Variants in ADGRL2 observed in about 807,000 individuals in gnomAD.
The protein encoded by ADGRL2 is adhesion G protein-coupled receptor L2.
A neutral mutation model predicts 157.4 loss-of-function variants in ADGRL2; 44 were observed. The ratio of observed to expected loss-of-function variants is 0.28; its 90% CI spans 0.22 to 0.36. The LOEUF (loss-of-function observed/expected upper bound fraction) is 0.36, where lower values mean the gene tolerates loss of function less well. ADGRL2 is among the 10% of genes least tolerant of loss of function. ADGRL2 has a pLI of 1.00. For missense variants in ADGRL2, 1,510 were observed against 1,768.9 expected (o/e 0.85, Z 2.63); for synonymous variants, 585 against 624.7 (o/e 0.94, Z 0.95).
intron 17 of ADGRL2, 86 bp downstream of exon 17, chr1:81,972,004 T>C: frequency 2.6e-6 from 2 of 781,560 alleles, no homozygotes; most frequent in Non-Finnish European, 4.2e-6. Context: ...TATTGTTTGT[T>C]TATCTATCTA....
In ADGRL2 at chr1:81,747,303, A is replaced by ATT. The variant is rs1311575089; in HGVS notation, c.-142-14507_-142-14506insTT. On this transcript the variant is annotated intron_variant, in intron 1 of 20. Transcript: ENST00000359929. ...CATGTGCATACATGTGTATATATAT[A>ATT]TATATTTTTTTTTTTGAGATGGAGT... Among the ~76,000 whole-genome samples, 12 of 143,900 alleles carry ATT rather than the reference A, an allele frequency of 8.3e-5. 1 individual carries two copies. Among genetic ancestry groups the ATT allele is most frequent in the South Asian group, 6.7e-4 (3 of 4,462 alleles). 94.4% of individuals were successfully genotyped at this position (143,900 alleles called of 152,430 possible).
intron 1 of ADGRL2, among the ~76,000 whole-genome samples, chr1:81,442,581 T>C (rs1243511808): frequency 6.6e-6 from 1 of 152,234 alleles, no homozygotes; most frequent in African/African-American, 2.4e-5. Flanking sequence ...TAAGTCTATG[T>C]AGGAAATTTT....
chr1:81,566,269 A>T (rs1324855385), intron 2 of ADGRL2, among the ~76,000 whole-genome samples: 1 of 152,152 alleles, frequency 6.6e-6, no homozygotes, highest in Admixed American at 6.6e-5. Context: ...TGTCCACCAC[A>T]TAGTTTTAAA....
chr1:81,481,607 C>G (rs2078389667), intron 2 of ADGRL2, among the ~76,000 whole-genome samples: 1 of 152,186 alleles, frequency 6.6e-6, no homozygotes, highest in African/African-American at 2.4e-5. Context: ...ATTTTCATCT[C>G]ATTTAACTAG....
At chr1:81,594,017 A>G (rs1439628042) in intron 3 of ADGRL2, among the ~76,000 whole-genome samples, 1 of 152,196 alleles carries the variant, frequency 6.6e-6, no homozygotes, top group African/African-American at 2.4e-5. Context: ...GAAACACATA[A>G]AGAATATTGT....
chr1:81,514,655 A>G (rs1390736865), intron 2 of ADGRL2: 2 of 152,184 alleles, frequency 1.3e-5, no homozygotes, highest in African/African-American at 4.8e-5. Flanking sequence ...TTGTGTTGCA[A>G]TTGACATTTG....
intron 3 of ADGRL2, among the ~76,000 whole-genome samples, chr1:81,933,541 C>A (rs1472221394): frequency 6.6e-6 from 1 of 152,162 alleles, no homozygotes; most frequent in Non-Finnish European, 1.5e-5. Flanking sequence ...TGAAGCTGAG[C>A]CCTTGGCGGG....
At chr1:81,349,583 C>T (rs966892664) in intron 1 of ADGRL2, among the ~76,000 whole-genome samples, 3 of 140,158 alleles carry the variant, frequency 2.1e-5, no homozygotes, top group African/African-American at 7.9e-5. Flanking sequence ...TTGCACCAAT[C>T]TCTTTTAAAA....
chr1:81,987,308 G>A, intron 22 of ADGRL2: 1 of 1,595,460 alleles, frequency 6.3e-7, no homozygotes, highest in South Asian at 1.1e-5. Flanking sequence ...CACATGGTCT[G>A]AGAGCCCATC....
At chr1:81,416,551 A>C (rs762356789) in intron 1 of ADGRL2, among the ~76,000 whole-genome samples, 8 of 152,186 alleles carry the variant, frequency 5.3e-5, no homozygotes, top group Non-Finnish European at 7.3e-5. Context: ...TCCTTTGAAT[A>C]TCTTTAGCTG....
intron 2 of ADGRL2, among the ~76,000 whole-genome samples, chr1:81,876,139 G>A (rs1177166485): frequency 6.6e-6 from 1 of 152,096 alleles, no homozygotes; most frequent in African/African-American, 2.4e-5. Flanking sequence ...TTAAGTTATA[G>A]TGCTTTCCAC....
chr1:81,762,135 G>T (rs1427547476), intron 2 of ADGRL2, among the ~76,000 whole-genome samples: 1 of 151,906 alleles, frequency 6.6e-6, no homozygotes, highest in Non-Finnish European at 1.5e-5. Context: ...GTTTTCTGGG[G>T]TAATTTATTT....
At chr1:81,770,347 G>A (rs2086310079) in intron 2 of ADGRL2, among the ~76,000 whole-genome samples, 1 of 151,324 alleles carries the variant, frequency 6.6e-6, no homozygotes, top group Non-Finnish European at 1.5e-5. Context: ...ATTTTTCATA[G>A]AGATGGGGCT....
chr1:81,835,727 CAG>C (rs929169036), intron 1 of ADGRL2, among the ~76,000 whole-genome samples: 8 of 151,964 alleles, frequency 5.3e-5, no homozygotes, highest in African/African-American at 1.9e-4. Context: ...TCAGTGCTTT[CAG>C]AGAGAGAGCT....
chr1:81,604,361 G>T lies in ADGRL2; in HGVS notation c.-143+23381G>T, dbSNP rs189450778. 2.0e-5 allele frequency among the ~76,000 whole-genome samples: 3 copies of T among 152,224 alleles called. No individual in the cohort carries two copies. In the East Asian group the frequency reaches 5.8e-4, roughly 29 times the overall value. ...GCTCCTCATCCTCGTTTCCCCATGC[G>T]GGGCATTGTGTGGACTCCTGCAGTC... is the stretch of plus-strand genomic sequence containing the variant. On this transcript the variant is annotated intron_variant, in intron 3 of 24. Coordinates refer to the ADGRL2 transcript ENST00000370721.
At chr1:81,312,756 A>T (rs534206737) in intron 1 of ADGRL2, among the ~76,000 whole-genome samples, 1 of 152,330 alleles carries the variant, frequency 6.6e-6, no homozygotes, top group Non-Finnish European at 1.5e-5. Flanking sequence ...AGCAGTTTAC[A>T]GGTGACTGTG....
intron 2 of ADGRL2, among the ~76,000 whole-genome samples, chr1:81,512,530 A>G (rs1363478489): frequency 2.6e-5 from 4 of 152,134 alleles, no homozygotes; most frequent in South Asian, 2.1e-4. Context: ...GAAAGCTACA[A>G]TTGTTCGGGT....
In ADGRL2 at chr1:81,860,785, TAA is replaced by T. The variant is rs1183619989; in HGVS notation, c.73+23730_73+23731del. 2.0e-5 allele frequency among the ~76,000 whole-genome samples: 3 copies of T among 152,322 alleles called. No homozygotes were observed. The East Asian group carries it at 5.8e-4, about 29-fold the overall frequency. On this transcript the variant is annotated intron_variant, in intron 2 of 23. Coordinates refer to ENST00000686636, the MANE Select transcript of ADGRL2 (RefSeq NM_001366006.2). ...TTTATGCTGACTTTCAGCCGTGAAA[TAA>T]AGTTAGTCTACTATAGGAGAATATT... is the stretch of plus-strand genomic sequence containing the variant.
chr1:81,978,038 T>C (rs1660671670), intron 17 of ADGRL2, among the ~76,000 whole-genome samples: 1 of 151,632 alleles, frequency 6.6e-6, no homozygotes, highest in African/African-American at 2.4e-5. Flanking sequence ...TTTTAACCAT[T>C]CTTGAATTTT....
Sources: allele counts gnomAD v4.1 joint callset (sites outside exome capture counted in the v4.1 genomes callset), GRCh38; gene constraint gnomAD v4.1.1; transcripts MANE v1.5; gene names NCBI Gene and HGNC (gene_info 2026-07-23, HGNC 2026-07-21).